ANKFN1: variants seen among roughly 807,000 people sequenced by gnomAD.
ANKFN1 encodes ankyrin repeat and fibronectin type III domain containing 1, also known as ankyrin repeat and fibronectin type-III domain-containing protein 1.
Under a neutral mutation model 108.7 loss-of-function variants are expected in ANKFN1, and 74 were observed. The ratio of observed to expected loss-of-function variants is 0.68; its 90% confidence interval spans 0.56 to 0.83. The LOEUF (loss-of-function observed/expected upper bound fraction) is 0.83, where lower values mean the gene tolerates loss of function less well. Ranked by LOEUF, ANKFN1 falls within the 40% of genes least tolerant of loss-of-function variation. The probability of loss-of-function intolerance (pLI) is 0.00; values close to 1 mark genes in which losing one functional copy is unlikely to be tolerated. For missense variants in ANKFN1, 1,505 were observed against 1,382.3 expected (o/e 1.09, Z -1.41); for synonymous variants, 547 against 516.2 (o/e 1.06, Z -0.81).
intron 3 of ANKFN1, among the ~76,000 whole-genome samples, chr17:56,247,967 C>G (rs913460812): frequency 2.6e-5 from 4 of 152,172 alleles, no homozygotes; most frequent in Non-Finnish European, 5.9e-5. Flanking sequence ...GCAGTGTCTT[C>G]CAATCAGACT....
At chr17:56,107,538 A>T (rs1905774199) in intron 4 of ANKFN1, among the ~76,000 whole-genome samples, 1 of 152,094 alleles carries the variant, frequency 6.6e-6, no homozygotes, top group Non-Finnish European at 1.5e-5. Flanking sequence ...GTGTTTAAGG[A>T]GCTTGTTGGG....
chr17:56,065,669 G>A (rs529250495), intron 4 of ANKFN1, among the ~76,000 whole-genome samples: 1 of 152,290 alleles, frequency 6.6e-6, no homozygotes, highest in East Asian at 1.9e-4. Flanking sequence ...AGAGATGGGG[G>A]AATGGTTGGT....
chr17:56,334,130 T>C (rs1189837075), intron 4 of ANKFN1, among the ~76,000 whole-genome samples: 3 of 152,118 alleles, frequency 2.0e-5, no homozygotes, highest in African/African-American at 4.8e-5. Flanking sequence ...GTCTCAGCAA[T>C]AAAAACTGAA....
At chr17:56,452,900 A>G (rs1334278670) in intron 11 of ANKFN1, among the ~76,000 whole-genome samples, 1 of 152,158 alleles carries the variant, frequency 6.6e-6, no homozygotes, top group Non-Finnish European at 1.5e-5. Context: ...CCTTGAGCAA[A>G]CTGCCTAAAT....
chr17:56,147,703 T>TGGGG (rs1908348370), intron 4 of ANKFN1, among the ~76,000 whole-genome samples: 2 of 152,204 alleles, frequency 1.3e-5, no homozygotes, highest in Non-Finnish European at 2.9e-5. Context: ...AGCCAAAATT[T>TGGGG]ATCACTGTAC....
At chr17:56,062,559 C>CTTTTTTTTTTTTTTTT (rs3085080) in intron 4 of ANKFN1, among the ~76,000 whole-genome samples, 1 of 134,512 alleles carries the variant, frequency 7.4e-6, no homozygotes, top group African/African-American at 3.0e-5. Flanking sequence ...GTAATCTCTG[C>CTTTTTTTTTTTTTTTT]TTTTTTTTTT....
At chr17:56,501,792 A>G (rs1474019830) in intron 20 of ANKFN1, among the ~76,000 whole-genome samples, 1 of 152,196 alleles carries the variant, frequency 6.6e-6, no homozygotes, top group Non-Finnish European at 1.5e-5. Context: ...ACAACCAGAG[A>G]AAGAAGATTA....
intron 1 of ANKFN1, among the ~76,000 whole-genome samples, chr17:56,154,151 C>T (rs16956789): frequency 0.01 from 1,582 of 151,850 alleles, 29 homozygotes; most frequent in African/African-American, 0.036. Context: ...TGTTACTGAC[C>T]CAGATTGGTC....
intron 8 of ANKFN1, among the ~76,000 whole-genome samples, chr17:56,434,128 G>A (rs1458943977): frequency 6.6e-6 from 1 of 152,150 alleles, no homozygotes. Context: ...GAGACTTTTT[G>A]TGGTTACTTG....
chr17:56,295,177 T>C (rs1349470712), intron 3 of ANKFN1, among the ~76,000 whole-genome samples: 1 of 152,230 alleles, frequency 6.6e-6, no homozygotes, highest in Non-Finnish European at 1.5e-5. Context: ...GGAAACCCCA[T>C]GTCATGATAT....
At chr17:56,170,801 T>TATATATATATATAC (rs1910608195) in intron 1 of ANKFN1, among the ~76,000 whole-genome samples, 1 of 64,206 alleles carries the variant, frequency 1.6e-5, no homozygotes, top group African/African-American at 5.0e-5. Context: ...TATATATATA[T>TATATATATATATAC]ATATATACAC....
At chr17:56,132,305 T>C (rs1252191248) in intron 4 of ANKFN1, among the ~76,000 whole-genome samples, 2 of 152,146 alleles carry the variant, frequency 1.3e-5, no homozygotes, top group Non-Finnish European at 2.9e-5. Flanking sequence ...CTTTGGTGCT[T>C]TTTGGAGATC....
chr17:56,283,585 G>T (rs561087176), intron 3 of ANKFN1, among the ~76,000 whole-genome samples: 1 of 150,872 alleles, frequency 6.6e-6, no homozygotes, highest in Non-Finnish European at 1.5e-5. Flanking sequence ...AATGGCATTC[G>T]CAGCAACCTG....
In ANKFN1 at chr17:56,313,366, C is replaced by G. The variant is rs1006814423; in HGVS notation, c.54-12855C>G. ...CTCATATGAAGCTGTGCAGATTGTTCAGGGCACAAACAAGCCTGGTCATGG... is the reference window on the plus strand; with the variant it reads ...CTCATATGAAGCTGTGCAGATTGTTGAGGGCACAAACAAGCCTGGTCATGG... On this transcript the variant is annotated intron_variant, in intron 3 of 20. Transcript: ENST00000682825. Among the ~76,000 whole-genome samples the G allele has an allele frequency of 2.0e-5, 3 of 152,110 alleles. No individual in the cohort carries two copies. In the East Asian group the frequency reaches 5.8e-4, roughly 29 times the overall value.
chr17:56,443,673 T>C (rs375420830), intron 10 of ANKFN1, among the ~76,000 whole-genome samples: 1 of 152,222 alleles, frequency 6.6e-6, no homozygotes, highest in African/African-American at 2.4e-5. Flanking sequence ...ATAGCATTTG[T>C]AGTGGTGGCT....
At chr17:56,292,176 AAG>A (rs2044381390) in intron 3 of ANKFN1, among the ~76,000 whole-genome samples, 2 of 152,194 alleles carry the variant, frequency 1.3e-5, no homozygotes, top group African/African-American at 4.8e-5. Context: ...ATGCCTTCCA[AAG>A]AGGCAGAGGC....
chr17:56,301,693 A>G lies in ANKFN1; in HGVS notation c.54-24528A>G, dbSNP rs1256023270. Among the ~76,000 whole-genome samples the G allele has an allele frequency of 2.0e-5, 3 of 152,372 alleles. No individual in the cohort carries two copies. In the South Asian group the frequency reaches 6.2e-4, roughly 32 times the overall value. On this transcript the variant is annotated intron_variant, in intron 3 of 20. Coordinates refer to ENST00000682825, the MANE Select transcript of ANKFN1 (RefSeq NM_001370326.1). ...CTTCTCTCCATCACTAAATTAGCTTATAATAGAGATAGAATGGTGAAACTC... is the reference window on the plus strand; with the variant it reads ...CTTCTCTCCATCACTAAATTAGCTTGTAATAGAGATAGAATGGTGAAACTC...
intron 3 of ANKFN1, among the ~76,000 whole-genome samples, chr17:56,232,708 T>C (rs538338177): frequency 6.6e-6 from 1 of 152,268 alleles, no homozygotes; most frequent in South Asian, 2.1e-4. Flanking sequence ...TCTCCTGAAA[T>C]GTCTGTGATA....
chr17:56,461,141 T>G (rs1182765271), intron 14 of ANKFN1, among the ~76,000 whole-genome samples: 1 of 152,200 alleles, frequency 6.6e-6, no homozygotes. Context: ...TAAAGAAATT[T>G]CTGGAGGAAA....
Sources: gnomAD v4.1 joint callset for allele counts (sites outside exome capture counted in the v4.1 genomes callset) on GRCh38, gnomAD v4.1.1 for gene constraint, MANE v1.5 for transcripts, NCBI Gene and HGNC (gene_info 2026-07-23, HGNC 2026-07-21) for gene names.